Variants in SYNM observed in about 807,000 individuals in gnomAD.
SYNM encodes the protein synemin, also known as desmuslin.
SYNM carries 95 observed loss-of-function variants against 104.0 expected under a neutral mutation model. That is an observed-to-expected ratio of 0.91 (90% confidence interval 0.77 to 1.08). The LOEUF (loss-of-function observed/expected upper bound fraction) is 1.08. Among genes scored for constraint, SYNM ranks in the 50% least tolerant of loss-of-function variants. The pLI is 0.00. For synonymous variants in SYNM, 918 were observed against 869.0 expected, an observed-to-expected ratio of 1.06 and a Z score of -0.99; for missense variants, 2,150 against 2,052.2, an observed-to-expected ratio of 1.05 and a Z score of -0.92.
At chr15:99,108,061 G>A (rs1298999505) in intron 1 of SYNM, among the ~76,000 whole-genome samples, 7 of 151,368 alleles carry the variant, frequency 4.6e-5, no homozygotes, top group African/African-American at 1.5e-4. Flanking sequence ...CGCAACATCC[G>A]CTTCCTGGGC....
chr15:99,105,892 G>T lies in SYNM; in HGVS notation c.693G>T (p.Ala231=), dbSNP rs782484171. The change falls in exon 1 of 4, where the codon GCG becomes GCT. Residue 231 remains alanine (A), a synonymous_variant. Coordinates refer to ENST00000336292, the MANE Select transcript of SYNM (RefSeq NM_145728.3). ...LQAEEETRLC[A]QEAEALRREA... ...CGGAGGAAGAGACGCGGCTGTGCGC[G>T]CAGGAGGCAGAGGCGCTGCGGCGCG... 4.6e-6 allele frequency: 7 copies of T among 1,538,008 alleles called. No individual in the cohort carries two copies. Among genetic ancestry groups the T allele is most frequent in the South Asian group, 3.6e-5 (3 of 83,460 alleles).
chr15:99,121,199 A>C (rs1555484486), intron 2 of SYNM, among the ~76,000 whole-genome samples: 1 of 152,114 alleles, frequency 6.6e-6, no homozygotes, highest in African/African-American at 2.4e-5. Context: ...GGCAGAGTGC[A>C]GGGGCCTTGA....
At chr15:99,135,743 C>T (rs1341333171), downstream of SYNM, 2 of 152,216 alleles carry the variant, frequency 1.3e-5, no homozygotes, top group African/African-American at 4.8e-5. Context: ...TTCTCTAATT[C>T]CTCACCTGAA....
At chr15:99,114,909 AC>A (rs2067333089) in intron 2 of SYNM, among the ~76,000 whole-genome samples, 1 of 151,944 alleles carries the variant, frequency 6.6e-6, no homozygotes, top group Non-Finnish European at 1.5e-5. Context: ...AATTTTAGAG[AC>A]CCAGTTGCCC....
In SYNM at chr15:99,129,463, T is replaced by A. The variant is rs1555485387; in HGVS notation, c.1103T>A (p.Phe368Tyr). Residue 368 changes from phenylalanine (F) to tyrosine (Y), a missense_variant, in exon 4 of 4, where the codon TTC becomes TAC. Transcript: ENST00000336292. ...FSRQKAPLAS[F>Y]NHSSALYSNL... ...AGGCAGAAAGCACCTTTGGCAAGTT[T>A]CAATCACAGCTCGGCACTGTATTCT... The A allele has an allele frequency of 1.2e-6, 2 of 1,613,892 alleles. No homozygotes were observed. Among genetic ancestry groups the A allele is most frequent in the African/African-American group, 2.7e-5 (2 of 74,924 alleles).
At position 99,130,770 on chromosome 15, in the gene SYNM, A is replaced by C; in HGVS notation, c.2410A>C (p.Arg804=). 1 of 1,614,006 alleles carries C rather than the reference A, an allele frequency of 6.2e-7. No individual in the cohort carries two copies. The highest frequency in any genetic ancestry group is 8.5e-7 in the Non-Finnish European group (1 of 1,179,894). The change falls in exon 4 of 4, where the codon AGG becomes CGG. Residue 804 remains arginine (R), a synonymous_variant. Transcript: ENST00000336292. ...DVTFSVNQHR[R]TKQPQENTTH... ...CACATTCTCAGTTAATCAGCATCGA[A>C]GGACCAAGCAGCCTCAGGAGAACAC...
At position 99,129,457 on chromosome 15, in the gene SYNM, C is replaced by G. The variant is rs782282943; in HGVS notation, c.1097C>G (p.Ala366Gly). Residue 366 changes from alanine (A) to glycine (G), a missense_variant, in exon 4 of 4, where the codon GCA becomes GGA. Transcript: ENST00000336292. ...TTTTCAAGGCAGAAAGCACCTTTGG[C>G]AAGTTTCAATCACAGCTCGGCACTG... ...NLFSRQKAPL[A>G]SFNHSSALYS... 3 of 1,613,992 alleles carry G rather than the reference C, an allele frequency of 1.9e-6. No individual in the cohort carries two copies. The Admixed American group carries it at 5.0e-5, about 27-fold the overall frequency.
chr15:99,134,688 G>C lies in SYNM; in HGVS notation c.*1630G>C, dbSNP rs1555486473. ...CAGGGTGCACGTCTCCCCAGGTCCT[G>C]GGAGTGGCTACCGCAGGTAGTTTCT... On this transcript the variant is annotated 3_prime_UTR_variant, in exon 4 of 4. Transcript: ENST00000336292. 6.6e-6 allele frequency: 1 copy of C among 152,238 alleles called. No homozygotes were observed. The highest frequency in any genetic ancestry group is 2.4e-5 in the African/African-American group (1 of 41,464). The allele number at this position is 152,238 out of a possible 1,614,324, so 9.4% of individuals were successfully genotyped here.
In SYNM at chr15:99,131,125, T is replaced by C; in HGVS notation, c.2765T>C (p.Val922Ala). The change falls in exon 4 of 4, where the codon GTC becomes GCC. Residue 922 changes from valine to alanine, a missense_variant. Physicochemically the swap from Val to Ala is moderately conservative, Grantham distance 64. Transcript: ENST00000336292. This position sits in a 1 kb window ranked among gnomAD's most constrained non-coding sequence, Gnocchi z 4.3. The stretch of plus-strand genomic sequence containing the variant: ...GGTGAATTTCATGCCGAACCCACAG[T>C]CATTGAAAAAGAAATTAAAATACCC... ...RSGEFHAEPT[V>A]IEKEIKIPHE... 2 of 1,600,132 alleles carry C rather than the reference T, an allele frequency of 1.2e-6. No homozygotes were observed. Among genetic ancestry groups the C allele is most frequent in the Non-Finnish European group, 1.7e-6 (2 of 1,173,202 alleles).
intron 3 of SYNM, 140 bp from the exon 4 acceptor site, chr15:99,129,227 C>A: frequency 7.8e-7 from 1 of 1,274,754 alleles, no homozygotes; most frequent in South Asian, 1.6e-5. Context: ...CCAAATATAA[C>A]TTATCTTTAT....
chr15:99,116,231 T>C (rs1181253952), intron 2 of SYNM, among the ~76,000 whole-genome samples: 2 of 152,238 alleles, frequency 1.3e-5, no homozygotes, highest in East Asian at 3.8e-4. Flanking sequence ...GGAAATCTTG[T>C]GGGGTGAACA....
chr15:99,114,806 C>G (rs2067332262), intron 2 of SYNM, among the ~76,000 whole-genome samples: 1 of 151,896 alleles, frequency 6.6e-6, no homozygotes, highest in African/African-American at 2.4e-5. Flanking sequence ...GCCAGTGCGT[C>G]TTTGATTGAG....
chr15:99,106,115 C>T, intron 1 of SYNM, 106 bp downstream of exon 1: 9 of 1,236,570 alleles, frequency 7.3e-6, no homozygotes, highest in South Asian at 2.0e-5. Context: ...GGCGCGGCGT[C>T]GCGGACCGGT....
Position 99,133,683 on chromosome 15 carries a change from A to C in SYNM, c.*625A>C, listed in dbSNP as rs2067536078. 6.5e-6 allele frequency: 1 copy of C among 154,666 alleles called. No homozygotes were observed. Among genetic ancestry groups the C allele is most frequent in the African/African-American group, 2.4e-5 (1 of 41,458 alleles). The allele number at this position is 154,666 out of a possible 1,614,324, so 9.6% of individuals were successfully genotyped here. On this transcript the variant is annotated 3_prime_UTR_variant, in exon 4 of 4. Coordinates refer to ENST00000336292, the MANE Select transcript of SYNM (RefSeq NM_145728.3). ...TGTACAGAACTTTAAACAATATAGTATTTATGGCGAGGACAGCTGTAGTCT... is the reference window on the plus strand; with the variant it reads ...TGTACAGAACTTTAAACAATATAGTCTTTATGGCGAGGACAGCTGTAGTCT...
intron 2 of SYNM, among the ~76,000 whole-genome samples, chr15:99,125,332 C>A (rs782586720): frequency 6.6e-6 from 1 of 152,346 alleles, no homozygotes; most frequent in African/African-American, 2.4e-5. Context: ...GCAGTGAAAG[C>A]TGTTTGCGTT....
In SYNM at chr15:99,133,195, G is replaced by C; in HGVS notation, c.*137G>C. The C allele has an allele frequency of 6.9e-7, 1 of 1,452,474 alleles. No homozygotes were observed. The highest frequency in any genetic ancestry group is 1.4e-5 in the South Asian group (1 of 69,332). The allele number at this position is 1,452,474 out of a possible 1,614,324, so 90.0% of individuals were successfully genotyped here. ...CTTTTTTAAAGAGTACTCCCGGCAT[G>C]GTCAATTTCCTTTATAGTTAATCCG... On this transcript the variant is annotated 3_prime_UTR_variant, in exon 4 of 4. Coordinates refer to ENST00000336292, the MANE Select transcript of SYNM (RefSeq NM_145728.3).
At position 99,131,866 on chromosome 15, in the gene SYNM, G is replaced by C. The variant is rs200916191; in HGVS notation, c.3506G>C (p.Arg1169Pro). 6.2e-7 allele frequency: 1 copy of C among 1,613,922 alleles called. No individual in the cohort carries two copies. The highest frequency in any genetic ancestry group is 8.5e-7 in the Non-Finnish European group (1 of 1,179,886). Residue 1169 changes from arginine to proline, a missense_variant, in exon 4 of 4, where the codon CGG (arginine) becomes CCG (proline). Arg to Pro is a moderately radical substitution (Grantham distance 103). Coordinates refer to ENST00000336292, the MANE Select transcript of SYNM (RefSeq NM_145728.3). The surrounding 1 kb of genome is among the most constrained non-coding windows in gnomAD (Gnocchi z 4.3). ...SQAASPTGAS[R>P]SVRHVTLGPG... ...GCAGCGAGCCCGACCGGAGCCAGCCGGTCTGTGAGGCATGTCACGCTGGGT... is the reference window on the plus strand; with the variant it reads ...GCAGCGAGCCCGACCGGAGCCAGCCCGTCTGTGAGGCATGTCACGCTGGGT...
intron 1 of SYNM, 53 bp from the exon 2 acceptor site, chr15:99,113,538 C>T (rs1032167483): frequency 5.5e-5 from 88 of 1,605,040 alleles, no homozygotes; most frequent in East Asian, 2.2e-4. Context: ...ACCTTCAGTT[C>T]GACCCAGTAA....
rs782022101 is a variant in SYNM, at chr15:99,129,402, C to T, written c.1042C>T (p.Leu348=). The T allele has an allele frequency of 6.2e-7, 1 of 1,613,964 alleles. No individual in the cohort carries two copies. Among genetic ancestry groups the T allele is most frequent in the Non-Finnish European group, 8.5e-7 (1 of 1,179,902 alleles). ...RNKSYHYTDS[L]LQRENERNLF... ...CAAATCCTATCACTATACCGACTCA[C>T]TACTACAGAGGGAAAATGAAAGGAA... The change falls in exon 4 of 4, where the codon CTA becomes TTA. Residue 348 remains leucine (L), a synonymous_variant. Transcript: ENST00000336292.
Sources: allele counts gnomAD v4.1 joint callset (sites outside exome capture counted in the v4.1 genomes callset), GRCh38; gene constraint gnomAD v4.1.1; non-coding constraint Gnocchi (gnomAD v3.1); transcripts MANE v1.5; gene names NCBI Gene and HGNC (gene_info 2026-07-23, HGNC 2026-07-21).